PLEKHG1: variants seen among roughly 807,000 people sequenced by gnomAD.
PLEKHG1 encodes pleckstrin homology domain-containing family G member 1.
Under a neutral mutation model 100.8 loss-of-function variants are expected in PLEKHG1, and 44 were observed. The observed-to-expected ratio is 0.44, with a 90% CI of 0.34 to 0.56. The LOEUF is 0.56. Among genes scored for constraint, PLEKHG1 ranks in the 20% least tolerant of loss-of-function variants. The probability of loss-of-function intolerance (pLI) is 0.01; values close to 1 mark genes in which losing one functional copy is unlikely to be tolerated. For synonymous variants in PLEKHG1, 640 were observed against 662.5 expected, an observed-to-expected ratio of 0.97 and a Z score of 0.52; for missense variants, 1,545 against 1,720.9, an observed-to-expected ratio of 0.90 and a Z score of 1.81.
At chr6:150,698,427 A>G (rs1780632211) in intron 3 of PLEKHG1, among the ~76,000 whole-genome samples, 1 of 152,190 alleles carries the variant, frequency 6.6e-6, no homozygotes, top group South Asian at 2.1e-4. Flanking sequence ...CAATTTTGTT[A>G]GTTAAGGAAG....
chr6:150,768,492 AAG>A, intron 2 of PLEKHG1, 144 bp from the exon 4 acceptor site: 1 of 619,472 alleles, frequency 1.6e-6, no homozygotes, highest in Non-Finnish European at 2.9e-6. Flanking sequence ...GGCCAGTAAT[AAG>A]AGAGCAACTG....
At chr6:150,809,540 T>C in intron 9 of PLEKHG1, 64 bp downstream of exon 10, 1 of 1,510,132 alleles carries the variant, frequency 6.6e-7, no homozygotes. Context: ...CTGTGTACCA[T>C]GTGGCTTTTT....
At chr6:150,654,962 A>G (rs973906495) in intron 3 of PLEKHG1, among the ~76,000 whole-genome samples, 2 of 152,264 alleles carry the variant, frequency 1.3e-5, no homozygotes, top group African/African-American at 2.4e-5. Flanking sequence ...TTCCATTGCA[A>G]AACCTCCTGA....
intron 1 of PLEKHG1, chr6:150,633,000 T>C (rs1439313953): frequency 6.6e-6 from 1 of 152,122 alleles, no homozygotes; most frequent in African/African-American, 2.4e-5. Flanking sequence ...TGAAAATACC[T>C]TATGCAGTGC....
At chr6:150,698,596 TAA>T (rs35193008) in intron 3 of PLEKHG1, among the ~76,000 whole-genome samples, 51,263 of 151,908 alleles carry the variant, frequency 0.34, 9,377 homozygotes, top group Non-Finnish European at 0.41. Context: ...CGGGAGCTGC[TAA>T]AGAGTATTTG....
chr6:150,655,843 A>T (rs1394499982), intron 3 of PLEKHG1, among the ~76,000 whole-genome samples: 1 of 152,116 alleles, frequency 6.6e-6, no homozygotes, highest in Non-Finnish European at 1.5e-5. Context: ...CACCAAACTA[A>T]CACAAGAACA....
intron 1 of PLEKHG1, among the ~76,000 whole-genome samples, chr6:150,614,921 AT>A (rs1350013174): frequency 6.6e-6 from 1 of 152,172 alleles, no homozygotes; most frequent in African/African-American, 2.4e-5. Flanking sequence ...TGAAAATCAG[AT>A]TTTATGCTAT....
At chr6:150,752,364 C>G (rs1470610012) in intron 2 of PLEKHG1, among the ~76,000 whole-genome samples, 1 of 151,974 alleles carries the variant, frequency 6.6e-6, no homozygotes, top group Non-Finnish European at 1.5e-5. Context: ...ACAATGTTGC[C>G]CAACTATGGC....
At chr6:150,827,852 T>A in intron 14 of PLEKHG1, 1 of 1,448,638 alleles carries the variant, frequency 6.9e-7, no homozygotes, top group South Asian at 1.1e-5. Context: ...AAGGCGAGTT[T>A]AATGAGGAGG....
intron 15 of PLEKHG1, among the ~76,000 whole-genome samples, chr6:150,836,831 A>C (rs1264797840): frequency 6.6e-6 from 1 of 151,754 alleles, no homozygotes; most frequent in African/African-American, 2.4e-5. Flanking sequence ...TCAAAAAAAA[A>C]AAAAAGAAAA....
intron 1 of PLEKHG1, among the ~76,000 whole-genome samples, chr6:150,615,141 G>T (rs1044290465): frequency 2.0e-5 from 3 of 152,196 alleles, no homozygotes; most frequent in African/African-American, 7.2e-5. Context: ...TAGATAGAAG[G>T]TTTGTTTTTC....
At chr6:150,840,485 G>A (rs973634959) in exon 16 of PLEKHG1, 4 of 1,614,046 alleles carry the variant, frequency 2.5e-6, no homozygotes, top group South Asian at 2.2e-5. Context: ...AGAAAGTTGT[G>A]GTGGTCAATA....
intron 1 of PLEKHG1, among the ~76,000 whole-genome samples, chr6:150,731,482 A>T (rs905025931): frequency 1.3e-5 from 2 of 152,224 alleles, no homozygotes; most frequent in Admixed American, 6.5e-5. Context: ...TAAACTAGGT[A>T]TGTTGAAGGA....
At chr6:150,770,218 C>T (rs1045521891) in intron 3 of PLEKHG1, among the ~76,000 whole-genome samples, 2 of 152,210 alleles carry the variant, frequency 1.3e-5, no homozygotes, top group Non-Finnish European at 2.9e-5. Context: ...AATGCAAACT[C>T]AGTCCTACCC....
Position 150,644,334 on chromosome 6 carries a change from G to GTTTTTTTTTTTTTTTTTTGTTT in PLEKHG1, c.-158+6230_-158+6231insTTTTTTTTTTTTTTTTTTTGTT, listed in dbSNP as rs1778398650. Among the ~76,000 whole-genome samples, 2 of 117,622 alleles carry GTTTTTTTTTTTTTTTTTTGTTT rather than the reference G, an allele frequency of 1.7e-5. 1 individual carries two copies. The highest frequency in any genetic ancestry group is 7.0e-5 in the African/African-American group (2 of 28,600). The allele number at this position is 117,622 out of a possible 152,430, so 77.2% of individuals were successfully genotyped here. ...AAGAGAGTGGTTTTTTTCTTTTCGT[G>GTTTTTTTTTTTTTTTTTTGTTT]TTTTTTTTTTTTTTTTTTGTTACAG... On this transcript the variant is annotated intron_variant, in intron 2 of 3. Transcript: ENST00000367326.
chr6:150,809,586 A>G, intron 9 of PLEKHG1, 62 bp from the exon 11 acceptor site: 2 of 1,519,202 alleles, frequency 1.3e-6, no homozygotes, highest in Non-Finnish European at 1.8e-6. Flanking sequence ...TTCCCATCTC[A>G]TCAGAGGGTC....
At chr6:150,827,153 C>G in intron 14 of PLEKHG1, among the ~76,000 whole-genome samples, 1 of 151,980 alleles carries the variant, frequency 6.6e-6, no homozygotes, top group South Asian at 2.1e-4. Flanking sequence ...CCTTGGCCTC[C>G]CAAAGTGCTG....
At chr6:150,782,132 C>T (rs1785349949) in intron 3 of PLEKHG1, among the ~76,000 whole-genome samples, 1 of 151,784 alleles carries the variant, frequency 6.6e-6, no homozygotes, top group South Asian at 2.1e-4. Context: ...AGTAATGGTA[C>T]AGTAGCCAGG....
At chr6:150,759,722 T>C (rs1277837602) in intron 2 of PLEKHG1, among the ~76,000 whole-genome samples, 1 of 152,080 alleles carries the variant, frequency 6.6e-6, no homozygotes, top group African/African-American at 2.4e-5. Context: ...ACAATGATGA[T>C]TGCCGGGTGT....
Sources: allele counts gnomAD v4.1 joint callset (sites outside exome capture counted in the v4.1 genomes callset), GRCh38; gene constraint gnomAD v4.1.1; transcripts MANE v1.5; gene names NCBI Gene and HGNC (gene_info 2026-07-23, HGNC 2026-07-21).